ACVR1C: variants seen among roughly 807,000 people sequenced by gnomAD.
The protein encoded by ACVR1C is activin receptor type-1C.
A neutral mutation model predicts 57.9 loss-of-function variants in ACVR1C; 23 were observed. That is an observed-to-expected ratio of 0.40 (90% confidence interval 0.29 to 0.56). ACVR1C has a LOEUF of 0.56. ACVR1C is among the 20% of genes least tolerant of loss of function. The pLI is 0.50. For synonymous variants in ACVR1C, 214 were observed against 215.3 expected (o/e 0.99, Z 0.05); for missense variants, 480 against 607.9 (o/e 0.79, Z 2.21).
intron 2 of ACVR1C, among the ~76,000 whole-genome samples, chr2:157,559,194 G>A (rs904518817): frequency 6.6e-6 from 1 of 152,114 alleles, no homozygotes; most frequent in Non-Finnish European, 1.5e-5. Flanking sequence ...TCTAGTGATG[G>A]CTATGGCTCT....
At chr2:157,595,313 C>T (rs11899550) in intron 1 of ACVR1C, among the ~76,000 whole-genome samples, 18,329 of 152,128 alleles carry the variant, frequency 0.12, 1,447 homozygotes, top group East Asian at 0.26. Flanking sequence ...TGGTGATAAC[C>T]GCTCTTGGGT....
In ACVR1C at chr2:157,555,507, C is replaced by T. The variant is rs113739141; in HGVS notation, c.544+586G>A. The stretch of plus-strand genomic sequence containing the variant: ...TAACCACAGCCAGCAAAAGCCAGCA[C>T]AGGAATGCTGCACTGCTCTCTTTAA... On this transcript the variant is annotated intron_variant, in intron 3 of 8. Coordinates refer to ENST00000243349, the MANE Select transcript of ACVR1C (RefSeq NM_145259.3). 5.9e-3 allele frequency among the ~76,000 whole-genome samples: 901 copies of T among 152,314 alleles called. 6 individuals are homozygous for T. The highest frequency in any genetic ancestry group is 0.039 in the South Asian group (189 of 4,824).
chr2:157,577,177 T>C (rs182160166), intron 2 of ACVR1C, among the ~76,000 whole-genome samples: 15 of 152,306 alleles, frequency 9.8e-5, no homozygotes, highest in Non-Finnish European at 2.2e-4. Context: ...AATGAGAATA[T>C]ATTTTTACTG....
chr2:157,606,432 T>C (rs1023644760), intron 1 of ACVR1C, among the ~76,000 whole-genome samples: 1 of 151,804 alleles, frequency 6.6e-6, no homozygotes, highest in Non-Finnish European at 1.5e-5. Flanking sequence ...TGTATAAGAG[T>C]TCACTTTTCT....
intron 1 of ACVR1C, among the ~76,000 whole-genome samples, chr2:157,614,453 T>C (rs1031628782): frequency 1.3e-5 from 2 of 152,194 alleles, no homozygotes; most frequent in Admixed American, 6.5e-5. Context: ...CTATGCACAC[T>C]TTAAAATATG....
intron 1 of ACVR1C, among the ~76,000 whole-genome samples, chr2:157,591,579 G>T (rs751992744): frequency 1.3e-5 from 2 of 151,856 alleles, no homozygotes; most frequent in Non-Finnish European, 2.9e-5. Flanking sequence ...ATATTTTAAG[G>T]GGCTAAAGGC....
chr2:157,560,845 G>A (rs1688216506), intron 2 of ACVR1C, among the ~76,000 whole-genome samples: 1 of 152,134 alleles, frequency 6.6e-6, no homozygotes, highest in South Asian at 2.1e-4. Flanking sequence ...CTTAGAAGTG[G>A]AGGTACGTAC....
chr2:157,550,561 T>G (rs776436559), intron 3 of ACVR1C, among the ~76,000 whole-genome samples, 169 bp from the exon 4 acceptor site: 1 of 152,180 alleles, frequency 6.6e-6, no homozygotes, highest in Non-Finnish European at 1.5e-5. Context: ...TGTCAAAGCA[T>G]GCTGAAAAAA....
intron 1 of ACVR1C, 80 bp downstream of exon 1, chr2:157,628,492 T>G: frequency 6.8e-7 from 1 of 1,477,236 alleles, no homozygotes. Context: ...GCACCCCCTG[T>G]CCCCCACCCC....
intron 1 of ACVR1C, among the ~76,000 whole-genome samples, chr2:157,596,578 G>A (rs1468020097): frequency 6.6e-6 from 1 of 151,912 alleles, no homozygotes; most frequent in Non-Finnish European, 1.5e-5. Flanking sequence ...AATTTATTTT[G>A]CTTTAAAGCT....
intron 1 of ACVR1C, among the ~76,000 whole-genome samples, chr2:157,589,160 A>G (rs1256031376): frequency 6.6e-6 from 1 of 151,742 alleles, no homozygotes; most frequent in Admixed American, 6.6e-5. Flanking sequence ...GCAGGGTATA[A>G]GCATTTGCTT....
chr2:157,542,745 G>C lies in ACVR1C; in HGVS notation c.1061C>G (p.Thr354Ser). 2 of 1,613,856 alleles carry C rather than the reference G, an allele frequency of 1.2e-6. No homozygotes were observed. Among genetic ancestry groups the C allele is most frequent in the Non-Finnish European group, 1.7e-6 (2 of 1,179,884 alleles). The change falls in exon 6 of 9, where the codon ACT becomes AGT. Residue 354 changes from threonine (T) to serine (S), a missense_variant. Physicochemically the swap from Thr to Ser is moderately conservative, Grantham distance 58. Transcript: ENST00000243349. ...LAVKHDSILN[T>S]IDIPQNPKVG... is the part of the protein sequence containing the mutation. ...TTTAGGATTCTGAGGTATGTCGATA[G>C]TGTTCAGTATTGAATCATGCTTCAC...
intron 2 of ACVR1C, among the ~76,000 whole-genome samples, chr2:157,576,012 T>C (rs1425497302): frequency 6.6e-6 from 1 of 152,052 alleles, no homozygotes; most frequent in Admixed American, 6.6e-5. Context: ...CTTCTTTTGT[T>C]GTGAAATATA....
chr2:157,588,889 GTA>G (rs1240049314), intron 1 of ACVR1C, among the ~76,000 whole-genome samples: 2,792 of 109,980 alleles, frequency 0.025, 124 homozygotes, highest in African/African-American at 0.084. Context: ...ACGTGTGTGT[GTA>G]TATATATATA....
At chr2:157,620,832 G>T (rs1459332603) in intron 1 of ACVR1C, among the ~76,000 whole-genome samples, 4 of 151,852 alleles carry the variant, frequency 2.6e-5, no homozygotes, top group Non-Finnish European at 5.9e-5. Context: ...TCCCGTTTTT[G>T]ATCATAGAGT....
intron 8 of ACVR1C, 53 bp downstream of exon 8, chr2:157,538,520 A>G (rs1687540282): frequency 2.1e-6 from 3 of 1,419,228 alleles, no homozygotes; most frequent in Non-Finnish European, 2.8e-6. Context: ...AGTCTCCCCG[A>G]TACTCACCTC....
intron 1 of ACVR1C, among the ~76,000 whole-genome samples, chr2:157,606,410 T>G (rs1408209088): frequency 2.0e-5 from 3 of 151,896 alleles, no homozygotes; most frequent in Non-Finnish European, 4.4e-5. Flanking sequence ...TAGTTTACAT[T>G]CCCACCCACA....
chr2:157,620,024 T>A (rs962615594), intron 1 of ACVR1C, among the ~76,000 whole-genome samples: 3 of 152,048 alleles, frequency 2.0e-5, no homozygotes, highest in African/African-American at 7.2e-5. Context: ...GGGAACATCA[T>A]CTTGATTTGG....
chr2:157,599,871 C>T (rs1298204230), intron 1 of ACVR1C, among the ~76,000 whole-genome samples: 1 of 152,176 alleles, frequency 6.6e-6, no homozygotes, highest in Non-Finnish European at 1.5e-5. Flanking sequence ...ATCCCTAATC[C>T]AGTCCAGGGC....
Sources: allele counts gnomAD v4.1 joint callset (sites outside exome capture counted in the v4.1 genomes callset), GRCh38; gene constraint gnomAD v4.1.1; transcripts MANE v1.5; gene names NCBI Gene and HGNC (gene_info 2026-07-23, HGNC 2026-07-21).